The following COL22A1 variants were observed in gnomAD, a reference collection of about 807,000 sequenced individuals.
COL22A1 encodes the protein collagen alpha-1(XXII) chain.
COL22A1 carries 221 observed loss-of-function variants against 248.9 expected under a neutral mutation model. The ratio of observed to expected loss-of-function variants is 0.89; its 90% CI spans 0.80 to 0.99. COL22A1 has a LOEUF of 0.99. COL22A1 is among the 50% of genes least tolerant of loss of function. COL22A1 has a pLI of 0.00. For missense variants in COL22A1, 2,240 were observed against 2,179.0 expected (o/e 1.03, Z -0.56); for synonymous variants, 891 against 793.4 (o/e 1.12, Z -2.07).
intron 39 of COL22A1, among the ~76,000 whole-genome samples, chr8:138,682,136 A>C (rs980625062): frequency 1.3e-5 from 2 of 152,252 alleles, no homozygotes; most frequent in Non-Finnish European, 2.9e-5. Flanking sequence ...AAGTATAGAA[A>C]GAAATAAATA....
At chr8:138,869,743 T>C (rs1823176347) in intron 3 of COL22A1, among the ~76,000 whole-genome samples, 1 of 152,236 alleles carries the variant, frequency 6.6e-6, no homozygotes, top group African/African-American at 2.4e-5. Context: ...GAGGAACTCC[T>C]GGTGACCTGC....
chr8:138,695,830 A>G (rs1051572512), intron 32 of COL22A1, among the ~76,000 whole-genome samples: 3 of 151,958 alleles, frequency 2.0e-5, no homozygotes, highest in African/African-American at 7.2e-5. Flanking sequence ...GACTACAGTG[A>G]GGACAGCTTT....
chr8:138,822,989 C>T (rs1248876153), intron 6 of COL22A1, among the ~76,000 whole-genome samples: 1 of 152,206 alleles, frequency 6.6e-6, no homozygotes, highest in East Asian at 1.9e-4. Flanking sequence ...CATCAGCTCC[C>T]TTAACCCCAG....
At chr8:138,756,896 G>T (rs565834681) in intron 18 of COL22A1, among the ~76,000 whole-genome samples, 4 of 151,930 alleles carry the variant, frequency 2.6e-5, no homozygotes, top group Non-Finnish European at 5.9e-5. Flanking sequence ...TAAAAATCCC[G>T]ATCCATCATG....
chr8:138,602,599 T>C (rs1457397120), intron 59 of COL22A1, among the ~76,000 whole-genome samples: 1 of 152,174 alleles, frequency 6.6e-6, no homozygotes, highest in African/African-American at 2.4e-5. Context: ...CCCACCTCTC[T>C]GTCCGGATAC....
At chr8:138,838,979 C>T (rs534746235) in intron 4 of COL22A1, among the ~76,000 whole-genome samples, 1 of 152,126 alleles carries the variant, frequency 6.6e-6, no homozygotes, top group Admixed American at 6.5e-5. Flanking sequence ...TCCCCCACCC[C>T]CTTAGCTGCC....
rs114493047 is a variant in COL22A1 at position 138,913,154 on chromosome 8, C to G, written c.-73+465G>C. On this transcript the variant is annotated intron_variant, in intron 1 of 64. Transcript: ENST00000303045. ...AGTTCCCTGACAGTAAATGTAAAAC[C>G]AAACGAAGACTATTCTTTCCCCACC... Among the ~76,000 whole-genome samples the G allele has an allele frequency of 9.0e-3, 1,371 of 152,174 alleles. 30 individuals carry two copies. Among genetic ancestry groups the G allele is most frequent in the African/African-American group, 0.032 (1,317 of 41,514 alleles).
At chr8:138,865,722 T>C (rs1031745342) in intron 3 of COL22A1, among the ~76,000 whole-genome samples, 27 of 151,794 alleles carry the variant, frequency 1.8e-4, no homozygotes, top group African/African-American at 6.5e-4. Flanking sequence ...TGAGTGTATG[T>C]GTGTGTGTGT....
chr8:138,599,040 G>A (rs1817774712), intron 60 of COL22A1, 142 bp from the exon 61 acceptor site: 1 of 761,566 alleles, frequency 1.3e-6, no homozygotes, highest in Non-Finnish European at 2.2e-6. Context: ...TGTGGCTTGG[G>A]GTGAGAAGAG....
chr8:138,689,233 G>A (rs185544668), intron 36 of COL22A1, among the ~76,000 whole-genome samples: 152 of 151,886 alleles, frequency 1.0e-3, no homozygotes, highest in African/African-American at 3.4e-3. Context: ...AAGCTTTACC[G>A]CCTGCTCTGG....
chr8:138,848,429 G>A (rs1821401027), intron 3 of COL22A1, among the ~76,000 whole-genome samples: 1 of 152,120 alleles, frequency 6.6e-6, no homozygotes, highest in African/African-American at 2.4e-5. Flanking sequence ...GGTCTTCCTG[G>A]AAAAACACGT....
At chr8:138,699,185 T>A (rs946152815) in intron 32 of COL22A1, among the ~76,000 whole-genome samples, 1 of 152,232 alleles carries the variant, frequency 6.6e-6, no homozygotes, top group South Asian at 2.1e-4. Context: ...CCTAAGTCCA[T>A]GCTGCCCTAG....
At chr8:138,854,031 C>G (rs1026711168) in intron 3 of COL22A1, among the ~76,000 whole-genome samples, 2 of 152,128 alleles carry the variant, frequency 1.3e-5, no homozygotes, top group African/African-American at 2.4e-5. Flanking sequence ...CTTAAATGAG[C>G]AGGATGTGGT....
chr8:138,897,444 G>C (rs1413598502), intron 1 of COL22A1, among the ~76,000 whole-genome samples: 5 of 152,026 alleles, frequency 3.3e-5, no homozygotes, highest in Non-Finnish European at 7.3e-5. Flanking sequence ...AGCTACTCAG[G>C]AGGCTGAGGC....
At chr8:138,807,932 G>C (rs994403378) in intron 9 of COL22A1, 120 bp from the exon 10 acceptor site, 2 of 950,892 alleles carry the variant, frequency 2.1e-6, no homozygotes, top group East Asian at 5.1e-5. Context: ...GCCCAGCGCC[G>C]ACCAATGAGT....
chr8:138,806,092 GTGTGATGGTGTGTT>G (rs1817663378), intron 10 of COL22A1, among the ~76,000 whole-genome samples: 1 of 97,518 alleles, frequency 1.0e-5, no homozygotes, highest in African/African-American at 5.0e-5. Context: ...GTGTAATGGT[GTGTGATGGTGTGTT>G]TGTGTGTGAT....
chr8:138,685,902 C>T (rs1351531485), intron 37 of COL22A1, among the ~76,000 whole-genome samples: 1 of 152,146 alleles, frequency 6.6e-6, no homozygotes, highest in Non-Finnish European at 1.5e-5. Flanking sequence ...AAGGAAAGGA[C>T]GTTAGTGACG....
intron 52 of COL22A1, among the ~76,000 whole-genome samples, chr8:138,622,004 C>G (rs1456252436): frequency 6.6e-6 from 1 of 152,206 alleles, no homozygotes; most frequent in Non-Finnish European, 1.5e-5. Context: ...CAGCATCTGG[C>G]AAACAGTGTA....
chr8:138,737,669 T>C, intron 22 of COL22A1, 92 bp from the exon 23 acceptor site: 1 of 816,980 alleles, frequency 1.2e-6, no homozygotes, highest in Non-Finnish European at 2.1e-6. Context: ...TTTGGGTCTT[T>C]ATTACTCTCA....
Sources: allele counts gnomAD v4.1 joint callset (sites outside exome capture counted in the v4.1 genomes callset), GRCh38; gene constraint gnomAD v4.1.1; transcripts MANE v1.5; gene names NCBI Gene and HGNC (gene_info 2026-07-23, HGNC 2026-07-21).